IQCH: variants seen among roughly 807,000 people sequenced by gnomAD.
The protein encoded by IQCH is IQ motif containing H.
IQCH carries 98 observed loss-of-function variants against 117.0 expected under a neutral mutation model. That is an observed-to-expected ratio of 0.84 (90% CI 0.71 to 0.99). The LOEUF (loss-of-function observed/expected upper bound fraction) is 0.99, where lower values mean the gene tolerates loss of function less well. Ranked by LOEUF, IQCH falls within the 50% of genes least tolerant of loss-of-function variation. The pLI is 0.00. For missense variants in IQCH, 1,102 were observed against 1,243.8 expected, an observed-to-expected ratio of 0.89 and a Z score of 1.72; for synonymous variants, 412 against 448.2, an observed-to-expected ratio of 0.92 and a Z score of 1.02.
chr15:67,372,324 A>G lies in IQCH; in HGVS notation c.967A>G (p.Asn323Asp). The G allele has an allele frequency of 6.2e-7, 1 of 1,614,084 alleles. No individual in the cohort carries two copies. Among genetic ancestry groups the G allele is most frequent in the Non-Finnish European group, 8.5e-7 (1 of 1,179,996 alleles). Residue 323 changes from asparagine (N) to aspartate (D), a missense_variant, in exon 9 of 21, where the codon AAT (asparagine) becomes GAT (aspartate). Around this residue, in one of 2 missense-constraint regions of IQCH, gnomAD observed 452 missense variants for 449.6 expected, o/e 1.01. Coordinates refer to ENST00000335894, the MANE Select transcript of IQCH (RefSeq NM_001031715.3). ...ACCAGAAGTCAAAATAAAAGGGAAT[A>G]ATTTGGTGGCCCTCCTTCCAGAGTT... ...AIPEVKIKGN[N>D]LVALLPEFEL...
intron 6 of IQCH, among the ~76,000 whole-genome samples, chr15:67,345,404 G>T (rs760269853): frequency 6.6e-6 from 1 of 152,084 alleles, no homozygotes; most frequent in Non-Finnish European, 1.5e-5. Context: ...AATAGAGTAC[G>T]GAAAGAAGAA....
At chr15:67,347,725 C>T (rs1472963592) in intron 6 of IQCH, among the ~76,000 whole-genome samples, 3 of 150,582 alleles carry the variant, frequency 2.0e-5, no homozygotes, top group Non-Finnish European at 4.4e-5. Flanking sequence ...AAAAAAACTA[C>T]AGCCCAGTAT....
At chr15:67,412,748 T>C (rs2081481382) in intron 14 of IQCH, among the ~76,000 whole-genome samples, 1 of 152,184 alleles carries the variant, frequency 6.6e-6, no homozygotes, top group South Asian at 2.1e-4. Flanking sequence ...GTTGCTGGCT[T>C]ATAACAGATA....
chr15:67,389,193 G>C (rs571301693), intron 12 of IQCH, among the ~76,000 whole-genome samples, 187 bp downstream of exon 12: 1 of 152,332 alleles, frequency 6.6e-6, no homozygotes, highest in Admixed American at 6.5e-5. Flanking sequence ...ACTTAGTGGA[G>C]CTACCCCTGC....
At chr15:67,295,702 A>G (rs1011886364) in intron 4 of IQCH, among the ~76,000 whole-genome samples, 3 of 152,220 alleles carry the variant, frequency 2.0e-5, no homozygotes, top group Non-Finnish European at 4.4e-5. Flanking sequence ...TTTTGGTCAC[A>G]TATAGACAAA....
Position 67,432,784 on chromosome 15 carries a change from T to C in IQCH, c.2505+11207T>C, listed in dbSNP as rs2082046577. Among the ~76,000 whole-genome samples the C allele has an allele frequency of 2.6e-5, 4 of 152,214 alleles. No individual in the cohort carries two copies. Among genetic ancestry groups the C allele is most frequent in the Admixed American group, 2.6e-4 (4 of 15,280 alleles). On this transcript the variant is annotated intron_variant, in intron 16 of 20. Coordinates refer to ENST00000335894, the MANE Select transcript of IQCH (RefSeq NM_001031715.3). The surrounding 1 kb of genome is among the most constrained non-coding windows in gnomAD (Gnocchi z 5.0). ...ACAGAAATATCATAATTCCTTCTTG[T>C]TCACTGCTGTATACCCAGCACCTAG...
intron 6 of IQCH, among the ~76,000 whole-genome samples, chr15:67,347,891 T>TTA (rs1008936330): frequency 6.8e-6 from 1 of 147,370 alleles, no homozygotes; most frequent in Admixed American, 6.8e-5. Flanking sequence ...ATATATATGT[T>TTA]TATATATATA....
At chr15:67,262,510 T>A (rs1007627472) in intron 2 of IQCH, among the ~76,000 whole-genome samples, 2 of 152,048 alleles carry the variant, frequency 1.3e-5, no homozygotes, top group African/African-American at 4.8e-5. Flanking sequence ...CCAGCTGGAG[T>A]CTTTGGGTTG....
At chr15:67,293,708 T>C (rs909940033) in intron 4 of IQCH, among the ~76,000 whole-genome samples, 1 of 152,120 alleles carries the variant, frequency 6.6e-6, no homozygotes, top group Non-Finnish European at 1.5e-5. Flanking sequence ...GAAAGGAACA[T>C]AGGGACTATT....
intron 17 of IQCH, among the ~76,000 whole-genome samples, chr15:67,470,163 G>C (rs1300421728): frequency 1.1e-4 from 16 of 152,114 alleles, no homozygotes; most frequent in Admixed American, 8.5e-4. Flanking sequence ...GGAGTCTTAG[G>C]GTTTTTTTGT....
At chr15:67,348,573 T>A (rs1043805900) in intron 6 of IQCH, among the ~76,000 whole-genome samples, 2 of 152,152 alleles carry the variant, frequency 1.3e-5, no homozygotes, top group African/African-American at 4.8e-5. Flanking sequence ...TTTGCAAACC[T>A]ATGGATGCTG....
intron 3 of IQCH, among the ~76,000 whole-genome samples, chr15:67,264,800 C>T (rs1053821604): frequency 3.9e-5 from 6 of 151,916 alleles, no homozygotes; most frequent in African/African-American, 1.5e-4. Flanking sequence ...CTGTACTCCT[C>T]TATTTATCTT....
At chr15:67,373,804 C>A in intron 10 of IQCH, 1 of 325,852 alleles carries the variant, frequency 3.1e-6, no homozygotes, top group Non-Finnish European at 5.7e-6. Flanking sequence ...CGCCAATAAG[C>A]CAGGATATTG....
chr15:67,490,413 C>T lies in IQCH; in HGVS notation c.2861+349C>T, dbSNP rs2083616675. Among the ~76,000 whole-genome samples the T allele has an allele frequency of 1.3e-5, 2 of 152,054 alleles. No individual in the cohort carries two copies. The highest frequency in any genetic ancestry group is 4.8e-5 in the African/African-American group (2 of 41,388). On this transcript the variant is annotated intron_variant, in intron 19 of 20. Transcript: ENST00000335894. The surrounding 1 kb of genome is among the most constrained non-coding windows in gnomAD (Gnocchi z 4.9). ...TAGAGACGGGGTTTCATCATGTTGGCCAGGATGGTCTCGATCTCTTGACCT... is the reference window on the plus strand; with the variant it reads ...TAGAGACGGGGTTTCATCATGTTGGTCAGGATGGTCTCGATCTCTTGACCT...
chr15:67,293,788 C>T (rs933204747), intron 4 of IQCH, among the ~76,000 whole-genome samples: 1 of 152,018 alleles, frequency 6.6e-6, no homozygotes, highest in African/African-American at 2.4e-5. Flanking sequence ...AGTCATGTGC[C>T]TCCTTGGAGG....
At chr15:67,497,269 T>G (rs912871398) in intron 20 of IQCH, among the ~76,000 whole-genome samples, 1 of 151,242 alleles carries the variant, frequency 6.6e-6, no homozygotes, top group African/African-American at 2.4e-5. Context: ...AGGTTGAGGC[T>G]GCAGTGAGCC....
chr15:67,470,305 G>A (rs1053625205), intron 17 of IQCH, among the ~76,000 whole-genome samples: 3 of 152,194 alleles, frequency 2.0e-5, no homozygotes, highest in Non-Finnish European at 4.4e-5. Flanking sequence ...AGCCTCCCGA[G>A]TAGCTGGGAC....
intron 6 of IQCH, among the ~76,000 whole-genome samples, chr15:67,351,214 A>G (rs1417272748): frequency 6.6e-6 from 1 of 151,998 alleles, no homozygotes; most frequent in South Asian, 2.1e-4. Flanking sequence ...CGCATTAGGT[A>G]TTTGTCCTAA....
In IQCH at chr15:67,458,490, A is replaced by T. The variant is rs1178053724; in HGVS notation, c.2506-6637A>T. On this transcript the variant is annotated intron_variant, in intron 16 of 20. Coordinates refer to ENST00000335894, the MANE Select transcript of IQCH (RefSeq NM_001031715.3). This position sits in a 1 kb window ranked among gnomAD's most constrained non-coding sequence, Gnocchi z 4.1. ...CTTCCTAACTGGACTCCCTGTTTCC[A>T]TCCTTGCCCCCTCAGGGCCTCTTGT... Among the ~76,000 whole-genome samples, 1 of 152,178 alleles carries T rather than the reference A, an allele frequency of 6.6e-6. No individual in the cohort carries two copies. The highest frequency in any genetic ancestry group is 2.1e-4 in the South Asian group (1 of 4,836).
Sources: allele counts gnomAD v4.1 joint callset (sites outside exome capture counted in the v4.1 genomes callset), GRCh38; gene constraint gnomAD v4.1.1; regional missense constraint gnomAD v4.1.1; non-coding constraint Gnocchi (gnomAD v3.1); transcripts MANE v1.5; gene names NCBI Gene and HGNC (gene_info 2026-07-23, HGNC 2026-07-21).